Variants in FRMPD4 observed in about 807,000 individuals in gnomAD.
The protein encoded by FRMPD4 is FERM and PDZ domain containing 4.
A neutral mutation model predicts 94.1 loss-of-function variants in FRMPD4; 22 were observed. That is an observed-to-expected ratio of 0.23 (90% CI 0.17 to 0.33). The LOEUF is 0.33. Ranked by LOEUF, FRMPD4 falls within the 10% of genes least tolerant of loss-of-function variation. The probability of loss-of-function intolerance (pLI) is 1.00; values close to 1 mark genes in which losing one functional copy is unlikely to be tolerated. For synonymous variants in FRMPD4, 631 were observed against 548.6 expected, an observed-to-expected ratio of 1.15 and a Z score of -2.10; for missense variants, 1,111 against 1,339.9, an observed-to-expected ratio of 0.83 and a Z score of 2.67.
At chrX:12,643,917 T>A (rs765380153) in intron 4 of FRMPD4, among the ~76,000 whole-genome samples, 1 of 112,271 alleles carries the variant, frequency 8.9e-6, no homozygotes, top group Non-Finnish European at 1.9e-5. Flanking sequence ...AACACTAAAT[T>A]TTTTCACTGC....
chrX:12,642,883 A>G (rs925712371), intron 4 of FRMPD4, among the ~76,000 whole-genome samples: 27 of 112,204 alleles, frequency 2.4e-4, no homozygotes, highest in African/African-American at 7.4e-4. Context: ...GGCCTGAGTG[A>G]CAGAGTGAGA....
At chrX:11,978,493 A>G (rs145045161) in intron 3 of FRMPD4, among the ~76,000 whole-genome samples, 3,758 of 111,319 alleles carry the variant, frequency 0.034, 79 homozygotes, top group Non-Finnish European at 0.053. Context: ...GCCTGATTAA[A>G]AAAAACAAAA....
intron 2 of FRMPD4, among the ~76,000 whole-genome samples, chrX:12,535,243 G>A (rs143974147): frequency 2.7e-5 from 3 of 111,443 alleles, no homozygotes; most frequent in African/African-American, 6.5e-5. Flanking sequence ...TCATTATTGT[G>A]AGCCCTCCCC....
At chrX:12,022,075 A>G (rs1478856052) in intron 3 of FRMPD4, among the ~76,000 whole-genome samples, 2 of 112,404 alleles carry the variant, frequency 1.8e-5, no homozygotes. Flanking sequence ...ATCCCCTCCC[A>G]TAGATCATGA....
chrX:12,607,405 A>G (rs1456361824), intron 2 of FRMPD4, among the ~76,000 whole-genome samples: 2 of 111,937 alleles, frequency 1.8e-5, no homozygotes, highest in Non-Finnish European at 3.8e-5. Flanking sequence ...GGATAGCACA[A>G]TACTGGGGCC....
chrX:12,537,455 CT>C (rs1376018517), intron 2 of FRMPD4, among the ~76,000 whole-genome samples: 33 of 98,615 alleles, frequency 3.3e-4, no homozygotes, highest in African/African-American at 8.4e-4. Flanking sequence ...TTTTTTTTTC[CT>C]TTTTTTTTTT....
At chrX:12,454,469 A>T (rs1041427648) in intron 1 of FRMPD4, among the ~76,000 whole-genome samples, 5 of 111,747 alleles carry the variant, frequency 4.5e-5, no homozygotes, top group Non-Finnish European at 9.4e-5. Context: ...CCACAATGCA[A>T]TTAAGAATAA....
intron 1 of FRMPD4, among the ~76,000 whole-genome samples, chrX:12,356,580 C>T (rs2055899137): frequency 9.0e-6 from 1 of 111,598 alleles, no homozygotes; most frequent in African/African-American, 3.3e-5. Flanking sequence ...CTCTTTTTGT[C>T]ATGTGAGGAC....
chrX:11,929,647 G>T (rs2054110002), intron 3 of FRMPD4, among the ~76,000 whole-genome samples: 1 of 112,174 alleles, frequency 8.9e-6, no homozygotes, highest in Non-Finnish European at 1.9e-5. Context: ...CCATGCCCCG[G>T]ACACTCTCCA....
chrX:12,095,166 C>T (rs761462884), intron 3 of FRMPD4, among the ~76,000 whole-genome samples: 2 of 111,016 alleles, frequency 1.8e-5, no homozygotes, highest in Non-Finnish European at 3.8e-5. Flanking sequence ...TGCTTGAGAC[C>T]AGGAATTTGA....
At chrX:12,475,566 A>G (rs1332671078) in intron 1 of FRMPD4, among the ~76,000 whole-genome samples, 1 of 112,100 alleles carries the variant, frequency 8.9e-6, no homozygotes, top group East Asian at 2.8e-4. Context: ...AGAAAACCCC[A>G]TCATCTCAGT....
chrX:12,159,693 T>G (rs1211716778), intron 1 of FRMPD4, among the ~76,000 whole-genome samples: 1 of 112,170 alleles, frequency 8.9e-6, no homozygotes, highest in Non-Finnish European at 1.9e-5. Context: ...CTTAAAATTA[T>G]GGCGCTATGC....
intron 1 of FRMPD4, among the ~76,000 whole-genome samples, chrX:12,364,921 C>T (rs187306367): frequency 2.4e-4 from 27 of 112,543 alleles, no homozygotes; most frequent in African/African-American, 8.7e-4. Context: ...TGCACATCAG[C>T]CAGGAAAGTT....
intron 1 of FRMPD4, among the ~76,000 whole-genome samples, chrX:12,385,041 T>C (rs2056378517): frequency 8.9e-6 from 1 of 112,355 alleles, no homozygotes; most frequent in East Asian, 2.8e-4. Context: ...CTGATGTCTT[T>C]TTTTTCCCCC....
intron 2 of FRMPD4, among the ~76,000 whole-genome samples, chrX:12,561,685 G>A (rs987304401): frequency 8.9e-6 from 1 of 112,247 alleles, no homozygotes; most frequent in Non-Finnish European, 1.9e-5. Flanking sequence ...ATAAGGGATC[G>A]TTACAATAGT....
At chrX:11,879,867 C>T (rs897611149) in intron 3 of FRMPD4, among the ~76,000 whole-genome samples, 21 of 111,628 alleles carry the variant, frequency 1.9e-4, no homozygotes, top group South Asian at 3.7e-4. Context: ...CTGTTAGCTT[C>T]GCTAGAATAA....
chrX:12,231,532 G>A (rs1241372900), intron 1 of FRMPD4, among the ~76,000 whole-genome samples: 1 of 111,022 alleles, frequency 9.0e-6, no homozygotes, highest in African/African-American at 3.3e-5. Flanking sequence ...AAACATCTAA[G>A]CCCTTACAAC....
chrX:12,584,750 A>T (rs760511033), intron 2 of FRMPD4, among the ~76,000 whole-genome samples: 7 of 112,019 alleles, frequency 6.2e-5, no homozygotes, highest in African/African-American at 2.3e-4. Context: ...ATCAAAGGTG[A>T]GGGGTTGCAT....
At chrX:12,635,083 C>T (rs2059431547) in intron 4 of FRMPD4, among the ~76,000 whole-genome samples, 1 of 111,498 alleles carries the variant, frequency 9.0e-6, no homozygotes. Context: ...ATCCTCCCGC[C>T]CTGGCCTCCC....
Sources: allele counts gnomAD v4.1 joint callset (sites outside exome capture counted in the v4.1 genomes callset), GRCh38; gene constraint gnomAD v4.1.1; transcripts MANE v1.5; gene names NCBI Gene and HGNC (gene_info 2026-07-23, HGNC 2026-07-21).